The following ZSCAN21 variants were observed in gnomAD, a reference collection of about 807,000 sequenced individuals.
The protein encoded by ZSCAN21 is zinc finger and SCAN domain-containing protein 21.
Under a neutral mutation model 35.6 loss-of-function variants are expected in ZSCAN21, and 26 were observed. The observed-to-expected ratio is 0.73, with a 90% CI of 0.54 to 1.01. The LOEUF is 1.01. ZSCAN21 is among the 50% of genes least tolerant of loss of function. ZSCAN21 has a pLI of 0.00. For synonymous variants in ZSCAN21, 219 were observed against 219.3 expected, an observed-to-expected ratio of 1.00 and a Z score of 0.01; for missense variants, 593 against 587.1, an observed-to-expected ratio of 1.01 and a Z score of -0.10.
In ZSCAN21 at chr7:100,064,053, T is replaced by C. The variant is rs760005373; in HGVS notation, c.858T>C (p.Phe286=). 1 of 1,614,128 alleles carries C rather than the reference T, an allele frequency of 6.2e-7. No individual in the cohort carries two copies. Among genetic ancestry groups the C allele is most frequent in the South Asian group, 1.1e-5 (1 of 91,080 alleles). Residue 286 remains phenylalanine (F), a synonymous_variant, in exon 4 of 4, where the codon TTT becomes TTC. Coordinates refer to ENST00000292450, the MANE Select transcript of ZSCAN21 (RefSeq NM_145914.3). The part of the protein sequence containing the change: ...RYICAECGKA[F]SNSSNLTKHR... ...TATGTGCTGAATGTGGCAAAGCCTT[T>C]AGTAATAGCTCAAATCTCACCAAAC...
intron 3 of ZSCAN21, among the ~76,000 whole-genome samples, chr7:100,062,281 C>CT (rs921079005): frequency 0.057 from 5,466 of 96,564 alleles, 172 homozygotes; most frequent in African/African-American, 0.088. Context: ...CTCAACTGTT[C>CT]TTTTTTTTTT....
In ZSCAN21 at chr7:100,065,026, TATAAC is replaced by T. The variant is rs1792575917; in HGVS notation, c.*412_*416del. ...AATTGAATGAGATTCAGAATAAACT[TATAAC>T]ATCTTGTAATGCCTCAGGACTATTA... On this transcript the variant is annotated 3_prime_UTR_variant, in exon 4 of 4. Transcript: ENST00000292450. 16 of 1,350,146 alleles carry T rather than the reference TATAAC, an allele frequency of 1.2e-5. 1 individual carries two copies. The South Asian group carries it at 1.9e-4, about 16-fold the overall frequency. 83.6% of individuals were successfully genotyped at this position (1,350,146 alleles called of 1,614,324 possible).
In ZSCAN21 at chr7:100,058,291, A is replaced by G. The variant is rs117620883; in HGVS notation, c.592+401A>G. On this transcript the variant is annotated intron_variant, in intron 3 of 3. Coordinates refer to ENST00000292450, the MANE Select transcript of ZSCAN21 (RefSeq NM_145914.3). ...AGGGACAGAGGGGGACCCTCTTACCAGAATCAGGTAAGAGCTATAGTCATG... is the reference window on the plus strand; with the variant it reads ...AGGGACAGAGGGGGACCCTCTTACCGGAATCAGGTAAGAGCTATAGTCATG... Among the ~76,000 whole-genome samples the G allele has an allele frequency of 4.4e-4, 67 of 152,320 alleles. No individual in the cohort carries two copies. In the East Asian group the frequency reaches 7.9e-3, roughly 18 times the overall value.
rs1584393861 is a variant in ZSCAN21 at position 100,065,003 on chromosome 7, T to C, written c.*386T>C. 3.3e-6 allele frequency: 5 copies of C among 1,497,570 alleles called. No individual in the cohort carries two copies. In the East Asian group the frequency reaches 9.4e-5, roughly 28 times the overall value. 92.8% of individuals were successfully genotyped at this position (1,497,570 alleles called of 1,614,324 possible). A position where few individuals can be genotyped will look rare whatever the true frequency, so the allele number is the denominator to read the frequency against. Reference sequence around the variant, plus strand: ...AAGAATTGAGCCACATTGAACACAATTGAATGAGATTCAGAATAAACTTAT... The same window carrying C: ...AAGAATTGAGCCACATTGAACACAACTGAATGAGATTCAGAATAAACTTAT... On this transcript the variant is annotated 3_prime_UTR_variant, in exon 4 of 4. Transcript: ENST00000292450.
At position 100,063,881 on chromosome 7, in the gene ZSCAN21, T is replaced by C. The variant is rs749234767; in HGVS notation, c.686T>C (p.Ile229Thr). ...AAAGGGGATATAATTTCTGTGATTA[T>C]CGCCAATAAACCTGAGGCCAGCTTA... Reference protein sequence around the residue: ...GLKGDIISVIIANKPEASLER... With the variant: ...GLKGDIISVITANKPEASLER... Residue 229 changes from isoleucine (I) to threonine (T), a missense_variant, in exon 4 of 4, where the codon ATC becomes ACC. Coordinates refer to ENST00000292450, the MANE Select transcript of ZSCAN21 (RefSeq NM_145914.3). 4 of 1,614,124 alleles carry C rather than the reference T, an allele frequency of 2.5e-6. No individual in the cohort carries two copies. The South Asian group carries it at 4.4e-5, about 18-fold the overall frequency.
At chr7:100,058,082 A>G (rs145069491) in intron 3 of ZSCAN21, among the ~76,000 whole-genome samples, 192 bp downstream of exon 3, 110 of 152,320 alleles carry the variant, frequency 7.2e-4, no homozygotes, top group Non-Finnish European at 1.4e-3. Flanking sequence ...ATGGGAATGG[A>G]TCACTCTTAA....
chr7:100,064,747 A>G lies in ZSCAN21; in HGVS notation c.*130A>G. The G allele has an allele frequency of 2.5e-6, 4 of 1,613,978 alleles. No individual in the cohort carries two copies. Among genetic ancestry groups the G allele is most frequent in the Non-Finnish European group, 2.5e-6 (3 of 1,179,914 alleles). On this transcript the variant is annotated 3_prime_UTR_variant, in exon 4 of 4. Transcript: ENST00000292450. ...ATCACTCAACATCAGGGGATGCCTG[A>G]GGAGTGCGAGCTCCACAGCAACATG...
At chr7:100,058,495 G>A (rs1329575008) in intron 3 of ZSCAN21, among the ~76,000 whole-genome samples, 1 of 152,230 alleles carries the variant, frequency 6.6e-6, no homozygotes. Context: ...GCAGCCCTTA[G>A]GGTCAGCTTC....
Position 100,050,907 on chromosome 7 carries a change from G to A in ZSCAN21, c.-97+1066G>A, listed in dbSNP as rs182685663. Among the ~76,000 whole-genome samples the A allele has an allele frequency of 1.9e-3, 293 of 150,426 alleles. 2 individuals are homozygous for A. Among genetic ancestry groups the A allele is most frequent in the Admixed American group, 3.9e-3 (59 of 15,086 alleles). On this transcript the variant is annotated intron_variant, in intron 1 of 3. Transcript: ENST00000292450. ...GAATTTGATTCAGGTTAAAGAATTT[G>A]TGTGGCCGGGCGCGGTGGCTCATGC...
chr7:100,053,706 C>T (rs1015608345), intron 1 of ZSCAN21, among the ~76,000 whole-genome samples: 2 of 151,806 alleles, frequency 1.3e-5, no homozygotes, highest in Non-Finnish European at 2.9e-5. Flanking sequence ...CCTGCCACCA[C>T]TCCCAGCTAA....
intron 1 of ZSCAN21, among the ~76,000 whole-genome samples, chr7:100,054,597 A>AAAC: frequency 6.6e-6 from 1 of 151,574 alleles, no homozygotes; most frequent in Non-Finnish European, 1.5e-5. Context: ...TTCTGTATGC[A>AAAC]TTTTTTTCCG....
chr7:100,062,758 C>T (rs1792384936), intron 3 of ZSCAN21, among the ~76,000 whole-genome samples: 1 of 151,780 alleles, frequency 6.6e-6, no homozygotes, highest in African/African-American at 2.4e-5. Context: ...GCTTCTAGTC[C>T]CAGCTCTTCG....
At chr7:100,061,730 G>C (rs1421308494) in intron 3 of ZSCAN21, among the ~76,000 whole-genome samples, 1 of 152,220 alleles carries the variant, frequency 6.6e-6, no homozygotes, top group African/African-American at 2.4e-5. Context: ...GCAAAGGAAG[G>C]AGATAGACAG....
chr7:100,064,946 T>A lies in ZSCAN21; in HGVS notation c.*329T>A. Reference sequence around the variant, plus strand: ...GGAAGAAACATTAAGATTGTTTAATTTTTAACATATATTCAAGAATTTTAA... The same window carrying A: ...GGAAGAAACATTAAGATTGTTTAATATTTAACATATATTCAAGAATTTTAA... On this transcript the variant is annotated 3_prime_UTR_variant, in exon 4 of 4. Coordinates refer to ENST00000292450, the MANE Select transcript of ZSCAN21 (RefSeq NM_145914.3). 1 of 1,607,764 alleles carries A rather than the reference T, an allele frequency of 6.2e-7. No homozygotes were observed. The highest frequency in any genetic ancestry group is 8.5e-7 in the Non-Finnish European group (1 of 1,176,228).
At chr7:100,055,357 CA>C (rs1562844518) in intron 1 of ZSCAN21, among the ~76,000 whole-genome samples, 1 of 151,476 alleles carries the variant, frequency 6.6e-6, no homozygotes, top group Non-Finnish European at 1.5e-5. Flanking sequence ...CTCTGCCTCC[CA>C]TGTTCAGGGG....
intron 3 of ZSCAN21, among the ~76,000 whole-genome samples, chr7:100,061,414 C>T (rs972799371): frequency 3.3e-5 from 5 of 150,516 alleles, no homozygotes; most frequent in Non-Finnish European, 5.9e-5. Context: ...CCCAGCTATT[C>T]GGGAGGCTGA....
chr7:100,064,048 G>T lies in ZSCAN21; in HGVS notation c.853G>T (p.Ala285Ser). ...TTATATATGTGCTGAATGTGGCAAA[G>T]CCTTTAGTAATAGCTCAAATCTCAC... ...RRYICAECGK[A>S]FSNSSNLTKH... The change falls in exon 4 of 4, where the codon GCC becomes TCC. Residue 285 changes from alanine to serine, a missense_variant. Coordinates refer to ENST00000292450, the MANE Select transcript of ZSCAN21 (RefSeq NM_145914.3). 6.2e-7 allele frequency: 1 copy of T among 1,614,144 alleles called. No homozygotes were observed. Among genetic ancestry groups the T allele is most frequent in the South Asian group, 1.1e-5 (1 of 91,078 alleles).
At chr7:100,060,519 G>A (rs541524289) in intron 3 of ZSCAN21, among the ~76,000 whole-genome samples, 44 of 152,062 alleles carry the variant, frequency 2.9e-4, no homozygotes, top group East Asian at 3.9e-4. Context: ...CCAAGATCGC[G>A]CCATTGCACT....
intron 1 of ZSCAN21, among the ~76,000 whole-genome samples, chr7:100,050,336 C>G (rs980869962): frequency 6.6e-6 from 1 of 152,146 alleles, no homozygotes; most frequent in African/African-American, 2.4e-5. Flanking sequence ...CTAGAACACA[C>G]ACACAGAATA....
Sources: allele counts gnomAD v4.1 joint callset (sites outside exome capture counted in the v4.1 genomes callset), GRCh38; gene constraint gnomAD v4.1.1; transcripts MANE v1.5; gene names NCBI Gene and HGNC (gene_info 2026-07-23, HGNC 2026-07-21).